Variants in CCZ1 observed in about 807,000 individuals in gnomAD.
The protein encoded by CCZ1 is vacuolar fusion protein CCZ1 homolog.
A neutral mutation model predicts 57.8 loss-of-function variants in CCZ1; 19 were observed. The ratio of observed to expected loss-of-function variants is 0.33; its 90% CI spans 0.23 to 0.48. The LOEUF is 0.48. CCZ1 is among the 20% of genes least tolerant of loss of function. The pLI is 0.99. For synonymous variants in CCZ1, 81 were observed against 167.0 expected, an observed-to-expected ratio of 0.49 and a Z score of 3.97; for missense variants, 200 against 492.0, an observed-to-expected ratio of 0.41 and a Z score of 5.61.
At chr7:5,902,005 T>G (rs1221841561) in intron 5 of CCZ1, 4 of 346,066 alleles carry the variant, frequency 1.2e-5, no homozygotes, top group Non-Finnish European at 1.5e-5. Context: ...TTTAAAAGTT[T>G]CAGTGAGGCA....
At chr7:5,899,531 G>C (rs1781635029) in intron 1 of CCZ1, among the ~76,000 whole-genome samples, 1 of 132,534 alleles carries the variant, frequency 7.5e-6, no homozygotes, top group South Asian at 2.5e-4. Flanking sequence ...GCCGAGATGG[G>C]AGGATTGCTT....
chr7:5,899,897 C>A (rs540525309), intron 1 of CCZ1, among the ~76,000 whole-genome samples: 4 of 147,712 alleles, frequency 2.7e-5, no homozygotes, highest in Non-Finnish European at 4.4e-5. Flanking sequence ...CAAATTAGCA[C>A]TAGGAAAGAA....
At chr7:5,900,110 C>T (rs1320106996) in intron 1 of CCZ1, among the ~76,000 whole-genome samples, 174 bp from the exon 2 acceptor site, 2 of 151,162 alleles carry the variant, frequency 1.3e-5, no homozygotes, top group South Asian at 4.2e-4. Context: ...GTGATCCTCC[C>T]GCCTCAGCCT....
At chr7:5,899,375 GTGTGTGTGGT>G (rs1421635553) in intron 1 of CCZ1, among the ~76,000 whole-genome samples, 1,273 of 98,042 alleles carry the variant, frequency 0.013, 4 homozygotes, top group African/African-American at 0.034. Flanking sequence ...GTGTGTGTGT[GTGTGTGTGGT>G]TTTTCTGAGG....
intron 8 of CCZ1, among the ~76,000 whole-genome samples, chr7:5,910,648 G>C (rs1287722595): frequency 6.8e-6 from 1 of 146,352 alleles, no homozygotes; most frequent in Non-Finnish European, 1.5e-5. Context: ...TTTAAGAGGA[G>C]TGAGTCATTG....
intron 12 of CCZ1, among the ~76,000 whole-genome samples, chr7:5,922,806 C>T (rs1375542486): frequency 3.4e-5 from 5 of 146,522 alleles, no homozygotes. Flanking sequence ...TTCCACGGGA[C>T]ACTCATTCCC....
Position 5,912,922 on chromosome 7 carries a change from A to C in CCZ1, c.922A>C (p.Thr308Pro). Residue 308 changes from threonine to proline, a missense_variant, in exon 10 of 15, where the codon ACT becomes CCT. By Grantham distance (38) the Thr-to-Pro change is conservative. This residue lies in a region of CCZ1 where 13 missense variants were observed against 20.1 expected (regional missense o/e 0.65). Transcript: ENST00000325974. ...FPKIFVNTDD[T>P]YEELHLIVYK... ...CAAAATTTTTGTAAATACAGATGACACTTATGAAGAGCTCCATTTAATCGT... is the reference window on the plus strand; with the variant it reads ...CAAAATTTTTGTAAATACAGATGACCCTTATGAAGAGCTCCATTTAATCGT... 1 of 1,595,992 alleles carries C rather than the reference A, an allele frequency of 6.3e-7. No individual in the cohort carries two copies. Among genetic ancestry groups the C allele is most frequent in the East Asian group, 2.2e-5 (1 of 44,530 alleles).
intron 8 of CCZ1, among the ~76,000 whole-genome samples, chr7:5,910,715 T>TG (rs966043901): frequency 3.3e-5 from 1 of 29,864 alleles, no homozygotes; most frequent in Non-Finnish European, 6.6e-5. Context: ...ATTTTATTTA[T>TG]TTATTTATTT....
intron 10 of CCZ1, among the ~76,000 whole-genome samples, chr7:5,913,269 G>C (rs577953022): frequency 9.3e-4 from 125 of 134,262 alleles, no homozygotes; most frequent in African/African-American, 3.1e-3. Flanking sequence ...TCTGGATGGG[G>C]GCCGTAGCCA....
chr7:5,905,356 A>G, intron 7 of CCZ1, 87 bp downstream of exon 7: 3 of 724,150 alleles, frequency 4.1e-6, no homozygotes, highest in South Asian at 4.0e-5. Flanking sequence ...GTTGTCAAAC[A>G]GGAACTTGCA....
Position 5,906,890 on chromosome 7 carries a change from T to C in CCZ1, c.698+1621T>C, listed in dbSNP as rs933957488. On this transcript the variant is annotated intron_variant, in intron 7 of 14. Coordinates refer to ENST00000325974, the MANE Select transcript of CCZ1 (RefSeq NM_015622.6). ...TCTACTTTTTTTTTTGTTTTTGAGA[T>C]GGAGTCGCTTTCTGTTGCCCAGGCT... Among the ~76,000 whole-genome samples the C allele has an allele frequency of 3.3e-5, 5 of 150,502 alleles. 1 individual carries two copies. Among genetic ancestry groups the C allele is most frequent in the African/African-American group, 9.9e-5 (4 of 40,452 alleles).
At chr7:5,908,920 C>G (rs1410638712) in intron 7 of CCZ1, among the ~76,000 whole-genome samples, 1 of 147,354 alleles carries the variant, frequency 6.8e-6, no homozygotes, top group Non-Finnish European at 1.5e-5. Flanking sequence ...ATTTCTGAGA[C>G]CTAGGATCAC....
At chr7:5,903,103 G>T (rs1383144173) in intron 6 of CCZ1, among the ~76,000 whole-genome samples, 2 of 148,832 alleles carry the variant, frequency 1.3e-5, no homozygotes, top group East Asian at 4.5e-4. Flanking sequence ...AATTATTGGA[G>T]TTGCACAATC....
intron 9 of CCZ1, among the ~76,000 whole-genome samples, chr7:5,912,469 A>G (rs1779060283): frequency 8.4e-6 from 1 of 119,482 alleles, no homozygotes; most frequent in Non-Finnish European, 1.6e-5. Flanking sequence ...GCACGATCTC[A>G]GCTCACTGCA....
At chr7:5,912,693 C>A in intron 9 of CCZ1, 150 bp from the exon 10 acceptor site, 1 of 870,270 alleles carries the variant, frequency 1.1e-6, no homozygotes, top group Non-Finnish European at 1.9e-6. Flanking sequence ...AGCCACCACG[C>A]CCAGCCAGCA....
rs758832122 is a variant in CCZ1, at chr7:5,910,130, C to T, written c.780+14C>T. 18 of 1,584,930 alleles carry T rather than the reference C, an allele frequency of 1.1e-5. No homozygotes were observed. Among genetic ancestry groups the T allele is most frequent in the Non-Finnish European group, 1.6e-5 (18 of 1,157,524 alleles). On this transcript the variant is annotated intron_variant, in intron 8 of 14. Transcript: ENST00000325974. Reference sequence around the variant, plus strand: ...ATCGAACCTGAGGTATGATGGGTACCATAGCTGCGCACAATTACATGCAGG... The same window carrying T: ...ATCGAACCTGAGGTATGATGGGTACTATAGCTGCGCACAATTACATGCAGG...
intron 7 of CCZ1, among the ~76,000 whole-genome samples, chr7:5,908,478 A>G (rs1395084793): frequency 3.4e-5 from 5 of 148,324 alleles, no homozygotes; most frequent in Non-Finnish European, 7.4e-5. Context: ...TCCCAGGTTC[A>G]AGCGATTCTC....
At chr7:5,913,066 G>T in intron 10 of CCZ1, 112 bp downstream of exon 10, 1 of 796,648 alleles carries the variant, frequency 1.3e-6, no homozygotes, top group South Asian at 1.9e-5. Context: ...AAAGATATTG[G>T]AAGTTCTGAT....
At chr7:5,924,781 G>GA (rs1292139099) in intron 14 of CCZ1, 2 of 89,450 alleles carry the variant, frequency 2.2e-5, no homozygotes, top group Non-Finnish European at 5.0e-5. Flanking sequence ...CCCCTTGGGA[G>GA]ATGCCCCACG....
Sources: allele counts gnomAD v4.1 joint callset (sites outside exome capture counted in the v4.1 genomes callset), GRCh38; gene constraint gnomAD v4.1.1; regional missense constraint gnomAD v4.1.1; transcripts MANE v1.5; gene names NCBI Gene and HGNC (gene_info 2026-07-23, HGNC 2026-07-21).